Variants in ZC3HC1 observed in about 807,000 individuals in gnomAD.
The protein encoded by ZC3HC1 is zinc finger C3HC-type protein 1.
ZC3HC1 carries 38 observed loss-of-function variants against 61.9 expected under a neutral mutation model. The observed-to-expected ratio is 0.61, with a 90% CI of 0.47 to 0.81. ZC3HC1 has a LOEUF of 0.81. Among genes scored for constraint, ZC3HC1 ranks in the 30% least tolerant of loss-of-function variants. The pLI is 0.00. For missense variants in ZC3HC1, 554 were observed against 622.7 expected (o/e 0.89, Z 1.17); for synonymous variants, 213 against 229.9 (o/e 0.93, Z 0.67).
chr7:130,034,175 C>CT (rs769356635), intron 4 of ZC3HC1, among the ~76,000 whole-genome samples: 4,805 of 139,790 alleles, frequency 0.034, 217 homozygotes, highest in African/African-American at 0.11. Flanking sequence ...CTTTCATTTC[C>CT]TTTTTTTTTT....
chr7:130,051,348 C>G lies in ZC3HC1; in HGVS notation c.19G>C (p.Gly7Arg). The G allele has an allele frequency of 6.2e-7, 1 of 1,612,894 alleles. No homozygotes were observed. Among genetic ancestry groups the G allele is most frequent in the Non-Finnish European group, 8.5e-7 (1 of 1,179,390 alleles). ...TCAACCCCTACGGCAAACGCTTGTCCCTCACAGGGCGCCGCCATCTTGGTC... is the reference window on the plus strand; with the variant it reads ...TCAACCCCTACGGCAAACGCTTGTCGCTCACAGGGCGCCGCCATCTTGGTC... MAAPCEGQAFAVGVEKN... is the reference protein window; with the variant it reads MAAPCERQAFAVGVEKN... Residue 7 changes from glycine (G) to arginine (R), a missense_variant, in exon 1 of 10, where the codon GGA (glycine) becomes CGA (arginine). By Grantham distance (125) the Gly-to-Arg change is moderately radical (BLOSUM62 -2). Coordinates refer to ENST00000358303, the MANE Select transcript of ZC3HC1 (RefSeq NM_016478.5).
At chr7:130,044,129 G>A (rs914969881) in intron 2 of ZC3HC1, among the ~76,000 whole-genome samples, 15 of 151,966 alleles carry the variant, frequency 9.9e-5, no homozygotes, top group African/African-American at 2.4e-4. Flanking sequence ...CCTCTGAGAG[G>A]GCCTGAGAAC....
At chr7:130,022,901 C>A in intron 8 of ZC3HC1, 1 of 294,474 alleles carries the variant, frequency 3.4e-6, no homozygotes, top group South Asian at 3.0e-5. Context: ...GCATTAGATT[C>A]TTATAGGAGC....
At chr7:130,021,863 G>A (rs1793655137) in intron 9 of ZC3HC1, among the ~76,000 whole-genome samples, 2 of 152,224 alleles carry the variant, frequency 1.3e-5, no homozygotes, top group Middle Eastern at 3.4e-3. Flanking sequence ...TCCCTAGGAC[G>A]AAAGCAGAAT....
chr7:130,023,411 T>A lies in ZC3HC1; in HGVS notation c.1233+100A>T. ...TTATTCACATGGTCTACTTTTTGCA[T>A]TGGACCACGGAAGGGCTCCTGCCTG... On this transcript the variant is annotated intron_variant, in intron 8 of 9. Transcript: ENST00000358303. The surrounding 1 kb of genome is among the most constrained non-coding windows in gnomAD (Gnocchi z 4.2). The A allele has an allele frequency of 8.7e-7, 1 of 1,154,660 alleles. No individual in the cohort carries two copies. The highest frequency in any genetic ancestry group is 1.5e-5 in the South Asian group (1 of 68,638). The allele number at this position is 1,154,660 out of a possible 1,614,324, so 71.5% of individuals were successfully genotyped here. A position where few individuals can be genotyped will look rare whatever the true frequency, so the allele number is the denominator to read the frequency against.
chr7:130,026,987 A>AG (rs1489496393), intron 5 of ZC3HC1: 2 of 150,988 alleles, frequency 1.3e-5, no homozygotes, highest in Non-Finnish European at 2.9e-5. Context: ...AAAAAAAAAA[A>AG]AAATTAAAGA....
chr7:130,032,838 TGGGAAGGAG>T (rs978918910), intron 4 of ZC3HC1, among the ~76,000 whole-genome samples: 3 of 62,354 alleles, frequency 4.8e-5, no homozygotes, highest in African/African-American at 2.0e-4. Flanking sequence ...AAGGGAAAGA[TGGGAAGGAG>T]GGGAAGGAGG....
At chr7:130,037,098 G>A (rs1032796316) in intron 4 of ZC3HC1, 1 of 152,220 alleles carries the variant, frequency 6.6e-6, no homozygotes, top group Non-Finnish European at 1.5e-5. Context: ...AAAGCAAAAT[G>A]TACGGTGACA....
At chr7:130,025,695 C>G (rs1452398127) in intron 6 of ZC3HC1, among the ~76,000 whole-genome samples, 1 of 151,450 alleles carries the variant, frequency 6.6e-6, no homozygotes, top group Non-Finnish European at 1.5e-5. Flanking sequence ...GGTGAAACCC[C>G]GTCTCTACCA....
chr7:130,031,321 T>A, intron 4 of ZC3HC1, among the ~76,000 whole-genome samples: 1 of 54,408 alleles, frequency 1.8e-5, no homozygotes, highest in South Asian at 1.2e-3. Flanking sequence ...CAAAACTCCA[T>A]CTCAAAAAAA....
At chr7:130,041,190 T>G (rs1238845783) in intron 2 of ZC3HC1, 89 bp from the exon 3 acceptor site, 8 of 1,149,310 alleles carry the variant, frequency 7.0e-6, no homozygotes, top group Admixed American at 6.0e-5. Flanking sequence ...ACACATACTG[T>G]TTTTTTTTTG....
intron 2 of ZC3HC1, chr7:130,044,019 A>T (rs2116763989): frequency 2.8e-6 from 1 of 357,260 alleles, no homozygotes; most frequent in African/African-American, 2.1e-5. Flanking sequence ...ATCGTTTTTT[A>T]AAATATAGAG....
At chr7:130,051,394 G>A (rs371404929), upstream of ZC3HC1, 7 of 1,612,450 alleles carry the variant, frequency 4.3e-6, no homozygotes, top group Non-Finnish European at 4.2e-6. Flanking sequence ...TTGCTTCCCC[G>A]AGAGTTTGAA....
chr7:130,028,719 C>G (rs555314533), intron 5 of ZC3HC1, among the ~76,000 whole-genome samples, 183 bp downstream of exon 5: 33 of 152,056 alleles, frequency 2.2e-4, no homozygotes, highest in Middle Eastern at 3.2e-3. Context: ...AAAAAACATA[C>G]CTAAACATTC....
At chr7:130,035,084 C>A (rs1442085966) in intron 4 of ZC3HC1, among the ~76,000 whole-genome samples, 1 of 152,014 alleles carries the variant, frequency 6.6e-6, no homozygotes, top group Non-Finnish European at 1.5e-5. Context: ...CCCACTGTTG[C>A]TGGTCTTTCA....
At chr7:130,039,237 T>C in intron 4 of ZC3HC1, 2 of 515,850 alleles carry the variant, frequency 3.9e-6, no homozygotes, top group Non-Finnish European at 6.9e-6. Flanking sequence ...CTAGCAACTC[T>C]GGAGGCTGAG....
chr7:130,031,911 T>C (rs1296318212), intron 4 of ZC3HC1, among the ~76,000 whole-genome samples: 1 of 152,082 alleles, frequency 6.6e-6, no homozygotes, highest in African/African-American at 2.4e-5. Context: ...TAAAGAAATC[T>C]CTGTCCAATC....
intron 6 of ZC3HC1, 21 bp downstream of exon 6, chr7:130,026,137 A>G (rs762251426): frequency 2.5e-6 from 4 of 1,608,144 alleles, no homozygotes; most frequent in Non-Finnish European, 3.4e-6. Flanking sequence ...TCATGTCTCC[A>G]GGCAAAATCT....
At chr7:130,034,605 C>G (rs1794358784) in intron 4 of ZC3HC1, among the ~76,000 whole-genome samples, 1 of 151,874 alleles carries the variant, frequency 6.6e-6, no homozygotes, top group Non-Finnish European at 1.5e-5. Flanking sequence ...AGGGATCCTC[C>G]TGCTTCAACC....
Sources: allele counts gnomAD v4.1 joint callset (sites outside exome capture counted in the v4.1 genomes callset), GRCh38; gene constraint gnomAD v4.1.1; non-coding constraint Gnocchi (gnomAD v3.1); transcripts MANE v1.5; gene names NCBI Gene and HGNC (gene_info 2026-07-23, HGNC 2026-07-21).